Variants in ANOS1 observed in about 807,000 individuals in gnomAD.
The protein encoded by ANOS1 is anosmin 1.
In ANOS1, 6 loss-of-function variants were observed where a neutral mutation model predicts 59.0. The ratio of observed to expected loss-of-function variants is 0.10; its 90% CI spans 0.06 to 0.20. ANOS1 has a LOEUF of 0.20. ANOS1 is among the 10% of genes least tolerant of loss of function. ANOS1 has a pLI of 1.00. For missense variants in ANOS1, 433 were observed against 542.3 expected (o/e 0.80, Z 2.00); for synonymous variants, 217 against 223.4 (o/e 0.97, Z 0.25).
At position 8,626,676 on chromosome X, in the gene ANOS1, A is replaced by T. The variant is rs1465246684; in HGVS notation, c.256-3006T>A. Among the ~76,000 whole-genome samples, 24 of 109,709 alleles carry T rather than the reference A, an allele frequency of 2.2e-4. No individual in the cohort carries two copies. The Admixed American group carries it at 2.3e-3, about 11-fold the overall frequency. ...AGATCGAGACCATTCTGGCTAACAC[A>T]GTGAAACCCTGTCTCTACTAAAAAT... On this transcript the variant is annotated intron_variant, in intron 2 of 13. Transcript: ENST00000262648.
intron 3 of ANOS1, among the ~76,000 whole-genome samples, chrX:8,604,184 A>G (rs1930896259): frequency 9.0e-6 from 1 of 111,655 alleles, no homozygotes; most frequent in Non-Finnish European, 1.9e-5. Context: ...GCCCCACCAT[A>G]TCTCACGGTA....
At chrX:8,634,866 C>G (rs1207640449) in intron 2 of ANOS1, among the ~76,000 whole-genome samples, 3 of 111,352 alleles carry the variant, frequency 2.7e-5, no homozygotes, top group South Asian at 7.5e-4. Context: ...GATTTAAAGA[C>G]AAATGCTTCA....
chrX:8,545,286 G>A (rs1929753363), intron 9 of ANOS1, among the ~76,000 whole-genome samples: 1 of 96,236 alleles, frequency 1.0e-5, no homozygotes, highest in South Asian at 5.2e-4. Flanking sequence ...GAAAGAAAGA[G>A]AGAGAGAGAA....
chrX:8,659,279 T>C (rs1393031060), intron 2 of ANOS1, among the ~76,000 whole-genome samples: 2 of 102,780 alleles, frequency 1.9e-5, no homozygotes, highest in Non-Finnish European at 4.0e-5. Context: ...GGTGTGGTGA[T>C]GTGTGCCTGT....
intron 2 of ANOS1, among the ~76,000 whole-genome samples, chrX:8,664,348 G>A (rs190200172): frequency 4.0e-4 from 44 of 110,278 alleles, no homozygotes; most frequent in Admixed American, 2.8e-3. Flanking sequence ...GCGCCACCAC[G>A]CCCGGCTAAT....
At chrX:8,633,856 A>C (rs1489233179) in intron 2 of ANOS1, among the ~76,000 whole-genome samples, 1 of 112,241 alleles carries the variant, frequency 8.9e-6, no homozygotes, top group Non-Finnish European at 1.9e-5. Context: ...CCTGAAAGAC[A>C]AAGAAAGACT....
At chrX:8,571,399 T>G (rs1467850682) in intron 6 of ANOS1, among the ~76,000 whole-genome samples, 3 of 111,628 alleles carry the variant, frequency 2.7e-5, no homozygotes, top group African/African-American at 6.5e-5. Flanking sequence ...TTTAACACTC[T>G]GAAAAGAAAA....
At chrX:8,569,981 A>G (rs1930198000) in intron 7 of ANOS1, among the ~76,000 whole-genome samples, 1 of 111,244 alleles carries the variant, frequency 9.0e-6, no homozygotes. Flanking sequence ...CATCTGACGG[A>G]TAAACCACTC....
At chrX:8,649,226 T>A (rs5978933) in intron 2 of ANOS1, among the ~76,000 whole-genome samples, 11,559 of 111,420 alleles carry the variant, frequency 0.1, 864 homozygotes, top group African/African-American at 0.24. Context: ...TCTCTGATGG[T>A]GAGAGGCAGG....
chrX:8,615,122 A>C (rs1057394103), intron 3 of ANOS1, among the ~76,000 whole-genome samples: 4 of 111,397 alleles, frequency 3.6e-5, no homozygotes, highest in Non-Finnish European at 7.5e-5. Context: ...GCATCTCTTC[A>C]TTGGTGCCCA....
At chrX:8,563,680 G>C (rs1029890804) in intron 8 of ANOS1, among the ~76,000 whole-genome samples, 8 of 112,324 alleles carry the variant, frequency 7.1e-5, no homozygotes, top group Non-Finnish European at 1.1e-4. Context: ...GCACAGAGCT[G>C]GTTGAATGGA....
intron 3 of ANOS1, among the ~76,000 whole-genome samples, chrX:8,605,608 T>C (rs1305605918): frequency 1.2e-5 from 1 of 86,041 alleles, no homozygotes; most frequent in Non-Finnish European, 2.1e-5. Context: ...ATTGAACCAC[T>C]GCACTCTAGA....
chrX:8,613,949 T>C (rs778127017), intron 3 of ANOS1, among the ~76,000 whole-genome samples: 9 of 112,324 alleles, frequency 8.0e-5, no homozygotes, highest in African/African-American at 2.6e-4. Flanking sequence ...CCACACCATA[T>C]ACCTACTGAA....
chrX:8,630,682 C>T (rs761175280), intron 2 of ANOS1, among the ~76,000 whole-genome samples: 1 of 111,591 alleles, frequency 9.0e-6, no homozygotes. Flanking sequence ...GAAAACAAGG[C>T]TGGAAGGATA....
At chrX:8,723,486 G>A (rs1932889483) in intron 1 of ANOS1, among the ~76,000 whole-genome samples, 1 of 112,002 alleles carries the variant, frequency 8.9e-6, no homozygotes, top group Non-Finnish European at 1.9e-5. Context: ...TAGTGATCAG[G>A]GAAATGCAAA....
intron 2 of ANOS1, among the ~76,000 whole-genome samples, chrX:8,684,750 GTT>G (rs1463296964): frequency 4.6e-5 from 5 of 109,773 alleles, no homozygotes; most frequent in Non-Finnish European, 9.5e-5. Context: ...CCATTGTGAA[GTT>G]TCTCTTGGGA....
chrX:8,698,825 C>T (rs1932721808), intron 2 of ANOS1, among the ~76,000 whole-genome samples: 1 of 111,873 alleles, frequency 8.9e-6, no homozygotes, highest in Non-Finnish European at 1.9e-5. Flanking sequence ...GAATATTATT[C>T]TATAATAATT....
chrX:8,683,427 A>G (rs1384777347), intron 2 of ANOS1, among the ~76,000 whole-genome samples: 1 of 110,970 alleles, frequency 9.0e-6, no homozygotes, highest in East Asian at 2.8e-4. Flanking sequence ...GTGCCCAAAG[A>G]CCAAACTCTA....
chrX:8,598,846 T>A (rs1394349455), intron 3 of ANOS1, among the ~76,000 whole-genome samples: 3 of 112,409 alleles, frequency 2.7e-5, no homozygotes, highest in South Asian at 7.4e-4. Flanking sequence ...CATAGCCAGG[T>A]TAAATTTCAC....
Sources: allele counts gnomAD v4.1 joint callset (sites outside exome capture counted in the v4.1 genomes callset), GRCh38; gene constraint gnomAD v4.1.1; transcripts MANE v1.5; gene names NCBI Gene and HGNC (gene_info 2026-07-23, HGNC 2026-07-21).